Variants in ZNF423 observed in about 807,000 individuals in gnomAD.
ZNF423 encodes Ebf-associated zinc finger protein.
ZNF423 carries 12 observed loss-of-function variants against 95.8 expected under a neutral mutation model. The observed-to-expected ratio is 0.13, with a 90% CI of 0.08 to 0.20. The LOEUF is 0.20. ZNF423 is among the 10% of genes least tolerant of loss of function. ZNF423 has a pLI of 1.00. For synonymous variants in ZNF423, 749 were observed against 711.9 expected, an observed-to-expected ratio of 1.05 and a Z score of -0.83; for missense variants, 1,316 against 1,737.1, an observed-to-expected ratio of 0.76 and a Z score of 4.31.
chr16:49,787,440 C>T (rs903835205), intron 2 of ZNF423, among the ~76,000 whole-genome samples: 4 of 152,124 alleles, frequency 2.6e-5, no homozygotes, highest in African/African-American at 9.7e-5. Flanking sequence ...AAACTGGCAC[C>T]GTGGCGAGCC....
intron 5 of ZNF423, among the ~76,000 whole-genome samples, chr16:49,598,562 AC>A (rs750664244): frequency 6.6e-6 from 1 of 152,166 alleles, no homozygotes; most frequent in Non-Finnish European, 1.5e-5. Context: ...CTGCTGACAG[AC>A]CCCAGCTGGC....
At position 49,672,441 on chromosome 16, in the gene ZNF423, C is replaced by T. The variant is rs74444002; in HGVS notation, c.302-33567G>A. Among the ~76,000 whole-genome samples, 680 of 152,332 alleles carry T rather than the reference C, an allele frequency of 4.5e-3. 3 individuals carry two copies. Among genetic ancestry groups the T allele is most frequent in the Middle Eastern group, 6.8e-3 (2 of 294 alleles). On this transcript the variant is annotated intron_variant, in intron 3 of 7. Coordinates refer to ENST00000563137, the MANE Select transcript of ZNF423 (RefSeq NM_001379286.1). ...AGTCTGTGGGGCAGCAGGGCGGAAA[C>T]CATGGCCATCTGGCCTGGAGGGTCT... is the stretch of plus-strand genomic sequence containing the variant.
intron 3 of ZNF423, among the ~76,000 whole-genome samples, chr16:49,658,135 G>A (rs2029989132): frequency 6.6e-6 from 1 of 152,198 alleles, no homozygotes; most frequent in Non-Finnish European, 1.5e-5. Flanking sequence ...CCAGAAACTG[G>A]GCTGGGCAGC....
At chr16:49,495,467 C>G (rs190731607) in intron 7 of ZNF423, among the ~76,000 whole-genome samples, 1 of 131,730 alleles carries the variant, frequency 7.6e-6, no homozygotes, top group African/African-American at 2.5e-5. Context: ...GAACTGGTTC[C>G]CTGACACACC....
intron 2 of ZNF423, among the ~76,000 whole-genome samples, chr16:49,766,479 CT>C (rs937970450): frequency 6.6e-6 from 1 of 152,232 alleles, no homozygotes; most frequent in Non-Finnish European, 1.5e-5. Flanking sequence ...CTGAGAGACC[CT>C]CCTTCAGACA....
intron 5 of ZNF423, among the ~76,000 whole-genome samples, chr16:49,551,282 C>G (rs1031044780): frequency 6.6e-6 from 1 of 152,252 alleles, no homozygotes; most frequent in Non-Finnish European, 1.5e-5. Flanking sequence ...ATCCAACGCT[C>G]CGCTTTTCTG....
chr16:49,657,245 T>C (rs2029924481), intron 3 of ZNF423, among the ~76,000 whole-genome samples: 1 of 152,136 alleles, frequency 6.6e-6, no homozygotes, highest in Admixed American at 6.5e-5. Context: ...TCAAATCCCA[T>C]CCAGGACCTA....
chr16:49,633,679 G>A (rs1050287372), intron 4 of ZNF423, among the ~76,000 whole-genome samples: 10 of 152,106 alleles, frequency 6.6e-5, no homozygotes, highest in Non-Finnish European at 1.3e-4. Flanking sequence ...TGCCCCCCTA[G>A]AAAGGCTGAG....
At chr16:49,615,166 G>A (rs1049591856) in intron 5 of ZNF423, among the ~76,000 whole-genome samples, 34 of 79,324 alleles carry the variant, frequency 4.3e-4, no homozygotes, top group Non-Finnish European at 6.9e-4. Flanking sequence ...ACACACACAC[G>A]GGGCAGGGGG....
intron 7 of ZNF423, among the ~76,000 whole-genome samples, chr16:49,514,257 CACACAT>C (rs1968038799): frequency 1.4e-5 from 2 of 144,912 alleles, no homozygotes; most frequent in African/African-American, 5.3e-5. Flanking sequence ...CACACACACA[CACACAT>C]GCACATACAC....
intron 7 of ZNF423, among the ~76,000 whole-genome samples, chr16:49,511,438 T>C (rs771956701): frequency 1.3e-5 from 2 of 152,216 alleles, no homozygotes; most frequent in Non-Finnish European, 2.9e-5. Flanking sequence ...CTGCCTGGCC[T>C]CACATTTCTC....
chr16:49,550,937 A>G (rs1479894304), intron 5 of ZNF423, among the ~76,000 whole-genome samples: 1 of 152,234 alleles, frequency 6.6e-6, no homozygotes, highest in Non-Finnish European at 1.5e-5. Flanking sequence ...AGGTACCTAG[A>G]GGGCCCCTTT....
At chr16:49,808,778 CACG>C (rs1239783676) in intron 1 of ZNF423, among the ~76,000 whole-genome samples, 1 of 152,194 alleles carries the variant, frequency 6.6e-6, no homozygotes, top group Non-Finnish European at 1.5e-5. Flanking sequence ...GGGTGGAAAT[CACG>C]ACAAGTGTGA....
chr16:49,511,559 C>G (rs1324611564), intron 7 of ZNF423, among the ~76,000 whole-genome samples: 2 of 152,198 alleles, frequency 1.3e-5, no homozygotes, highest in Non-Finnish European at 2.9e-5. Flanking sequence ...CAGTCAGGTT[C>G]CCAGTAAGCA....
In ZNF423 at chr16:49,556,729, G is replaced by A. The variant is rs74503204; in HGVS notation, c.3602-31235C>T. ...GCTCAGCACAAATTCTTTTGTAAAT[G>A]CCTCGTGTACTTATAGAACACTGTA... On this transcript the variant is annotated intron_variant, in intron 5 of 7. Transcript: ENST00000563137. Among the ~76,000 whole-genome samples the A allele has an allele frequency of 5.0e-3, 764 of 152,276 alleles. 11 individuals carry two copies. Among genetic ancestry groups the A allele is most frequent in the African/African-American group, 0.017 (701 of 41,542 alleles).
chr16:49,684,815 G>T (rs1009010393), intron 3 of ZNF423, among the ~76,000 whole-genome samples: 1 of 152,212 alleles, frequency 6.6e-6, no homozygotes, highest in Non-Finnish European at 1.5e-5. Flanking sequence ...AGAAGGAGCT[G>T]CCAAAGTTGG....
chr16:49,842,695 G>A (rs942456453), intron 1 of ZNF423, among the ~76,000 whole-genome samples: 2 of 152,134 alleles, frequency 1.3e-5, no homozygotes, highest in South Asian at 4.1e-4. Flanking sequence ...AGAGAAAAAG[G>A]CTGGGCGCCG....
At chr16:49,512,866 C>T (rs1967955258) in intron 7 of ZNF423, among the ~76,000 whole-genome samples, 1 of 152,114 alleles carries the variant, frequency 6.6e-6, no homozygotes, top group South Asian at 2.1e-4. Context: ...GAGGCCGAGG[C>T]AAGTGGGTCA....
chr16:49,623,333 C>T (rs917734864), intron 5 of ZNF423, among the ~76,000 whole-genome samples: 2 of 152,184 alleles, frequency 1.3e-5, no homozygotes, highest in Non-Finnish European at 2.9e-5. Flanking sequence ...AAATGCCCCT[C>T]ACACCCTCCT....
Sources: allele counts gnomAD v4.1 joint callset (sites outside exome capture counted in the v4.1 genomes callset), GRCh38; gene constraint gnomAD v4.1.1; transcripts MANE v1.5; gene names NCBI Gene and HGNC (gene_info 2026-07-23, HGNC 2026-07-21).